SHISA6: variants seen among roughly 807,000 people sequenced by gnomAD.
SHISA6 encodes the protein protein shisa-6.
A neutral mutation model predicts 47.9 loss-of-function variants in SHISA6; 22 were observed. The ratio of observed to expected loss-of-function variants is 0.46; its 90% confidence interval spans 0.33 to 0.66. SHISA6 has a LOEUF of 0.66. Ranked by LOEUF, SHISA6 falls within the 30% of genes least tolerant of loss-of-function variation. SHISA6 has a pLI of 0.02. For synonymous variants in SHISA6, 388 were observed against 337.8 expected (o/e 1.15, Z -1.63); for missense variants, 680 against 764.6 (o/e 0.89, Z 1.30).
chr17:11,350,170 A>ATT (rs1295741204), intron 2 of SHISA6, among the ~76,000 whole-genome samples: 32 of 105,446 alleles, frequency 3.0e-4, no homozygotes, highest in East Asian at 1.8e-3. Context: ...TTATTTATTT[A>ATT]TTTATTTATT....
chr17:11,547,847 A>C (rs1212574827), intron 3 of SHISA6, among the ~76,000 whole-genome samples: 1 of 152,258 alleles, frequency 6.6e-6, no homozygotes, highest in Non-Finnish European at 1.5e-5. Flanking sequence ...ATCCAAGTTC[A>C]TATATGAAGA....
chr17:11,262,323 C>T (rs1179168654), intron 1 of SHISA6, among the ~76,000 whole-genome samples: 5 of 152,122 alleles, frequency 3.3e-5, no homozygotes, highest in Admixed American at 6.5e-5. Context: ...AGACACCCCT[C>T]GAGAAGATGG....
intron 3 of SHISA6, among the ~76,000 whole-genome samples, chr17:11,532,616 A>G (rs1162009425): frequency 6.6e-6 from 1 of 152,160 alleles, no homozygotes; most frequent in Non-Finnish European, 1.5e-5. Flanking sequence ...CACAATTCTC[A>G]GATCAAGTTA....
intron 1 of SHISA6, among the ~76,000 whole-genome samples, chr17:11,248,672 C>A (rs1261848807): frequency 2.0e-5 from 3 of 152,118 alleles, no homozygotes; most frequent in Non-Finnish European, 4.4e-5. Flanking sequence ...CTTCCCCGCT[C>A]CTTTTGCAGT....
intron 2 of SHISA6, among the ~76,000 whole-genome samples, chr17:11,286,435 C>T (rs1440982356): frequency 6.6e-6 from 1 of 152,120 alleles, no homozygotes; most frequent in East Asian, 1.9e-4. Flanking sequence ...TCTGGGAAGC[C>T]CTCTGTGGTA....
In SHISA6 at chr17:11,259,256, G is replaced by A. The variant is rs145305990; in HGVS notation, c.639-4110G>A. Among the ~76,000 whole-genome samples the A allele has an allele frequency of 5.4e-3, 820 of 152,286 alleles. 2 individuals are homozygous for A. Among genetic ancestry groups the A allele is most frequent in the Non-Finnish European group, 9.2e-3 (627 of 68,020 alleles). On this transcript the variant is annotated intron_variant, in intron 1 of 5. Transcript: ENST00000441885. ...AGTTTAACCTACCTATGTTTGGAAT[G>A]TGAATTCAGCACTTACTAGCTGTGT...
intron 3 of SHISA6, among the ~76,000 whole-genome samples, chr17:11,385,132 G>C (rs1913150786): frequency 6.6e-6 from 1 of 152,184 alleles, no homozygotes; most frequent in Non-Finnish European, 1.5e-5. Flanking sequence ...AGGGAATGGA[G>C]TGGGGAGCTG....
Position 11,241,661 on chromosome 17 carries a change from C to G in SHISA6, c.239C>G (p.Ala80Gly), listed in dbSNP as rs867785154. 2 of 1,453,790 alleles carry G rather than the reference C, an allele frequency of 1.4e-6. No homozygotes were observed. The highest frequency in any genetic ancestry group is 1.8e-6 in the Non-Finnish European group (2 of 1,109,744). 90.1% of individuals were successfully genotyped at this position (1,453,790 alleles called of 1,614,324 possible). The change falls in exon 1 of 6, where the codon GCT becomes GGT. Residue 80 changes from alanine to glycine, a missense_variant. Ala to Gly is a moderately conservative substitution (Grantham distance 60). This residue lies in a region of SHISA6 where 559 missense variants were observed against 674.1 expected (regional missense o/e 0.83). Coordinates refer to ENST00000441885, the MANE Select transcript of SHISA6 (RefSeq NM_207386.4). This position sits in a 1 kb window ranked among gnomAD's most constrained non-coding sequence, Gnocchi z 5.5. ...AGCCGGCGGGGGCAGCCCGCGGCGG[C>G]TGTGGCGGCGGCGGCCAGCGCGGCC... The part of the protein sequence containing the change: ...AGSRRGQPAA[A>G]VAAAASAAVT...
intron 3 of SHISA6, chr17:11,380,105 T>G (rs1912961914): frequency 6.6e-6 from 1 of 152,404 alleles, no homozygotes; most frequent in Non-Finnish European, 1.5e-5. Context: ...GCAGGGGGCA[T>G]GGACTCCTCC....
intron 1 of SHISA6, among the ~76,000 whole-genome samples, chr17:11,250,757 T>C (rs1028614281): frequency 6.6e-6 from 1 of 152,128 alleles, no homozygotes; most frequent in Non-Finnish European, 1.5e-5. Flanking sequence ...CTCTTAACTC[T>C]GCTCACGTGT....
chr17:11,538,107 C>T (rs1475254673), intron 3 of SHISA6, among the ~76,000 whole-genome samples: 2 of 152,138 alleles, frequency 1.3e-5, no homozygotes, highest in African/African-American at 4.8e-5. Context: ...GTCACCAAGG[C>T]TGGAGTGGTG....
At chr17:11,347,058 G>A (rs866387041) in intron 2 of SHISA6, among the ~76,000 whole-genome samples, 2 of 152,148 alleles carry the variant, frequency 1.3e-5, no homozygotes, top group African/African-American at 4.8e-5. Flanking sequence ...AGTTCCTGTT[G>A]ATGAACATAC....
At chr17:11,524,887 C>T (rs2071662797) in intron 3 of SHISA6, among the ~76,000 whole-genome samples, 2 of 152,176 alleles carry the variant, frequency 1.3e-5, no homozygotes, top group Admixed American at 1.3e-4. Context: ...CTATTTTAAA[C>T]ATCAAGCAGT....
intron 3 of SHISA6, among the ~76,000 whole-genome samples, chr17:11,382,928 C>CT (rs10601084): frequency 4.2e-5 from 3 of 70,774 alleles, no homozygotes; most frequent in African/African-American, 1.6e-4. Flanking sequence ...TCCTGTCAGC[C>CT]TTTTTTTTTT....
At chr17:11,263,220 T>C in intron 1 of SHISA6, 146 bp from the exon 2 acceptor site, 1 of 813,090 alleles carries the variant, frequency 1.2e-6, no homozygotes, top group Admixed American at 2.4e-5. Flanking sequence ...CAACACCAGA[T>C]GTAGCTGACT....
chr17:11,472,263 C>A (rs184742677), intron 3 of SHISA6, among the ~76,000 whole-genome samples: 1 of 152,178 alleles, frequency 6.6e-6, no homozygotes. Context: ...ATAGCACAAT[C>A]ATAGCTTACC....
chr17:11,353,758 T>C (rs1911982396), intron 2 of SHISA6, among the ~76,000 whole-genome samples: 1 of 152,220 alleles, frequency 6.6e-6, no homozygotes, highest in Admixed American at 6.5e-5. Context: ...GTTCATAATT[T>C]AGATTTTAAT....
chr17:11,473,338 A>G (rs1463182541), intron 3 of SHISA6, among the ~76,000 whole-genome samples: 1 of 152,200 alleles, frequency 6.6e-6, no homozygotes, highest in African/African-American at 2.4e-5. Flanking sequence ...TTAGTAAAGA[A>G]TAGAAATTTA....
intron 2 of SHISA6, among the ~76,000 whole-genome samples, chr17:11,333,189 T>G (rs934636117): frequency 3.3e-5 from 5 of 152,068 alleles, no homozygotes; most frequent in Admixed American, 6.5e-5. Flanking sequence ...GGCACAGAGG[T>G]GGGTTTCTCT....
Sources: allele counts gnomAD v4.1 joint callset (sites outside exome capture counted in the v4.1 genomes callset), GRCh38; gene constraint gnomAD v4.1.1; regional missense constraint gnomAD v4.1.1; non-coding constraint Gnocchi (gnomAD v3.1); transcripts MANE v1.5; gene names NCBI Gene and HGNC (gene_info 2026-07-23, HGNC 2026-07-21).